The following SLC25A42 variants were observed in gnomAD, a reference collection of about 807,000 sequenced individuals.
SLC25A42 encodes the protein solute carrier family 25 member 42, also known as mitochondrial coenzyme A transporter SLC25A42.
In SLC25A42, 19 loss-of-function variants were observed where a neutral mutation model predicts 34.7. The ratio of observed to expected loss-of-function variants is 0.55; its 90% CI spans 0.38 to 0.80. The LOEUF (loss-of-function observed/expected upper bound fraction) is 0.80. Among genes scored for constraint, SLC25A42 ranks in the 30% least tolerant of loss-of-function variants. The probability of loss-of-function intolerance (pLI) is 0.00; values close to 1 mark genes in which losing one functional copy is unlikely to be tolerated. For missense variants in SLC25A42, 364 were observed against 441.3 expected (o/e 0.82, Z 1.57); for synonymous variants, 205 against 191.2 (o/e 1.07, Z -0.59).
At chr19:19,068,333 C>A (rs1349834719) in intron 1 of SLC25A42, among the ~76,000 whole-genome samples, 1 of 140,522 alleles carries the variant, frequency 7.1e-6, no homozygotes, top group Admixed American at 7.2e-5. Flanking sequence ...CCAGCCTGGG[C>A]GACAGAGCGA....
chr19:19,102,073 A>G (rs2059800258), intron 3 of SLC25A42, among the ~76,000 whole-genome samples, 187 bp downstream of exon 3: 2 of 151,710 alleles, frequency 1.3e-5, no homozygotes, highest in Admixed American at 6.6e-5. Flanking sequence ...CGGTGGTGCA[A>G]TCTTGGCTCA....
chr19:19,069,884 G>T lies in SLC25A42; in HGVS notation c.-35+5769G>T, dbSNP rs545580772. Among the ~76,000 whole-genome samples the T allele has an allele frequency of 2.6e-5, 4 of 151,428 alleles. No homozygotes were observed. In the South Asian group the frequency reaches 8.3e-4, roughly 31 times the overall value. On this transcript the variant is annotated intron_variant, in intron 1 of 7. Coordinates refer to ENST00000318596, the MANE Select transcript of SLC25A42 (RefSeq NM_178526.5). ...TCTGTTGCCCAGGCTGGACTGCAGT[G>T]GTGCGATCTTCGCTCACTGCAACCT...
At chr19:19,099,370 C>T (rs1260035473) in intron 2 of SLC25A42, among the ~76,000 whole-genome samples, 2 of 152,130 alleles carry the variant, frequency 1.3e-5, no homozygotes, top group Non-Finnish European at 2.9e-5. Flanking sequence ...AGGCTGTGTT[C>T]TGTGGAACCA....
Position 19,109,044 on chromosome 19 carries a change from A to G in SLC25A42, c.649+999A>G, listed in dbSNP as rs1253393158. 1.3e-5 allele frequency among the ~76,000 whole-genome samples: 2 copies of G among 152,216 alleles called. No individual in the cohort carries two copies. Among genetic ancestry groups the G allele is most frequent in the African/African-American group, 4.8e-5 (2 of 41,466 alleles). ...TGCACCCCTCAAGACTGCTTTGAAAATACTTCTGTATGTATTTATCTGTGG... is the reference window on the plus strand; with the variant it reads ...TGCACCCCTCAAGACTGCTTTGAAAGTACTTCTGTATGTATTTATCTGTGG... On this transcript the variant is annotated intron_variant, in intron 7 of 7. Transcript: ENST00000318596. The surrounding 1 kb of genome is among the most constrained non-coding windows in gnomAD (Gnocchi z 4.1).
chr19:19,072,522 C>T (rs913874821), intron 1 of SLC25A42, among the ~76,000 whole-genome samples: 3 of 151,222 alleles, frequency 2.0e-5, no homozygotes, highest in Admixed American at 6.6e-5. Flanking sequence ...GGATTACAGG[C>T]GCCTGCCACC....
chr19:19,089,011 T>C (rs898564443), intron 1 of SLC25A42, among the ~76,000 whole-genome samples: 1 of 151,810 alleles, frequency 6.6e-6, no homozygotes, highest in African/African-American at 2.4e-5. Context: ...GTTTGCCATG[T>C]TGCCCAAGCT....
chr19:19,099,964 G>A (rs1284813428), intron 2 of SLC25A42, among the ~76,000 whole-genome samples: 2 of 151,540 alleles, frequency 1.3e-5, no homozygotes, highest in East Asian at 2.0e-4. Flanking sequence ...CTGACCTCAC[G>A]TGATCTGCCC....
intron 1 of SLC25A42, among the ~76,000 whole-genome samples, chr19:19,068,837 CAAATA>C (rs1335282195): frequency 7.3e-6 from 1 of 137,478 alleles, no homozygotes; most frequent in Non-Finnish European, 1.6e-5. Flanking sequence ...CACTCAGTCT[CAAATA>C]AATAAATAAA....
chr19:19,105,472 T>A lies in SLC25A42; in HGVS notation c.214-89T>A. 6 of 1,501,772 alleles carry A rather than the reference T, an allele frequency of 4.0e-6. No individual in the cohort carries two copies. In the South Asian group the frequency reaches 7.8e-5, roughly 19 times the overall value. 93.0% of individuals were successfully genotyped at this position (1,501,772 alleles called of 1,614,324 possible). ...GAGATGGGGTCACCCCGGCCCCGCC[T>A]CCGCACTTTGGGCGCTCTGCTGGTC... is the stretch of plus-strand genomic sequence containing the variant. On this transcript the variant is annotated intron_variant, in intron 4 of 7. Transcript: ENST00000318596.
Position 19,109,484 on chromosome 19 carries a change from G to A in SLC25A42, c.650-1085G>A, listed in dbSNP as rs1318255366. Among the ~76,000 whole-genome samples, 1 of 152,170 alleles carries A rather than the reference G, an allele frequency of 6.6e-6. No individual in the cohort carries two copies. The highest frequency in any genetic ancestry group is 1.9e-4 in the East Asian group (1 of 5,192). ...CTCACTCTGCCGCCCAGGCTGGAGTGCAGTGGAACGATCTCAGCTCACTGC... is the reference window on the plus strand; with the variant it reads ...CTCACTCTGCCGCCCAGGCTGGAGTACAGTGGAACGATCTCAGCTCACTGC... On this transcript the variant is annotated intron_variant, in intron 7 of 7. Coordinates refer to ENST00000318596, the MANE Select transcript of SLC25A42 (RefSeq NM_178526.5). The surrounding 1 kb of genome is among the most constrained non-coding windows in gnomAD (Gnocchi z 4.1).
intron 1 of SLC25A42, among the ~76,000 whole-genome samples, chr19:19,094,383 A>G (rs1347594163): frequency 6.7e-6 from 1 of 150,248 alleles, no homozygotes; most frequent in Non-Finnish European, 1.5e-5. Context: ...GTTTTTTTCC[A>G]TTTCTACTCA....
Position 19,105,731 on chromosome 19 carries a change from A to AGGCCC in SLC25A42, c.380+5_380+9dup. 6.5e-7 allele frequency: 1 copy of AGGCCC among 1,544,908 alleles called. No individual in the cohort carries two copies. The highest frequency in any genetic ancestry group is 8.8e-7 in the Non-Finnish European group (1 of 1,140,358). Reference sequence around the variant, plus strand: ...GCTACTATGGCTTCCGTGGAGAGTGAGGCCCCGCCCCGCCCTGCCACAGAA... The same window carrying AGGCCC: ...GCTACTATGGCTTCCGTGGAGAGTGAGGCCCGGCCCCGCCCCGCCCTGCCACAGAA... On this transcript the variant is annotated splice_donor_region_variant and intron_variant, in intron 5 of 7. Coordinates refer to ENST00000318596, the MANE Select transcript of SLC25A42 (RefSeq NM_178526.5).
In SLC25A42 at chr19:19,110,644, C is replaced by T. The variant is rs763284891; in HGVS notation, c.725C>T (p.Ser242Leu). ...FGACAGLIGQ[S>L]ASYPLDVVRR... is the part of the protein sequence containing the mutation. ...GCCTGCGCTGGCCTCATCGGGCAGT[C>T]GGCCTCGTACCCGCTGGATGTGGTG... The change falls in exon 8 of 8, where the codon TCG becomes TTG. Residue 242 changes from serine to leucine, a missense_variant. Coordinates refer to ENST00000318596, the MANE Select transcript of SLC25A42 (RefSeq NM_178526.5). 7 of 1,545,228 alleles carry T rather than the reference C, an allele frequency of 4.5e-6. No homozygotes were observed. Among genetic ancestry groups the T allele is most frequent in the Non-Finnish European group, 6.1e-6 (7 of 1,146,508 alleles).
chr19:19,076,172 G>C (rs2059655325), intron 1 of SLC25A42, among the ~76,000 whole-genome samples: 1 of 152,072 alleles, frequency 6.6e-6, no homozygotes, highest in South Asian at 2.1e-4. Flanking sequence ...ATCATCAACA[G>C]GTATTCTCGG....
At chr19:19,108,189 A>T in intron 7 of SLC25A42, 144 bp downstream of exon 7, 1 of 863,312 alleles carries the variant, frequency 1.2e-6, no homozygotes, top group Non-Finnish European at 1.7e-6. Flanking sequence ...CCACATCCAA[A>T]TCGGGAGAAA....
intron 6 of SLC25A42, among the ~76,000 whole-genome samples, chr19:19,107,507 T>C (rs996774970): frequency 1.3e-5 from 2 of 152,116 alleles, no homozygotes; most frequent in Admixed American, 1.3e-4. Context: ...GGCATGTATC[T>C]GTAATCCCAG....
At chr19:19,080,756 C>T (rs144725869) in intron 1 of SLC25A42, among the ~76,000 whole-genome samples, 2,169 of 151,778 alleles carry the variant, frequency 0.014, 48 homozygotes, top group African/African-American at 0.047. Flanking sequence ...CCCGTCTCTA[C>T]GAAAAACACA....
chr19:19,074,585 G>A (rs1217359914), intron 1 of SLC25A42, among the ~76,000 whole-genome samples: 1 of 152,156 alleles, frequency 6.6e-6, no homozygotes, highest in Non-Finnish European at 1.5e-5. Flanking sequence ...TCCCCACAAG[G>A]TAACAGCATA....
At chr19:19,108,491 G>T (rs972990876) in intron 7 of SLC25A42, among the ~76,000 whole-genome samples, 6 of 151,850 alleles carry the variant, frequency 4.0e-5, no homozygotes, top group African/African-American at 1.2e-4. Context: ...CAAGGCCGCA[G>T]TGAGCTGTGA....
Sources: allele counts gnomAD v4.1 joint callset (sites outside exome capture counted in the v4.1 genomes callset), GRCh38; gene constraint gnomAD v4.1.1; non-coding constraint Gnocchi (gnomAD v3.1); transcripts MANE v1.5; gene names NCBI Gene and HGNC (gene_info 2026-07-23, HGNC 2026-07-21).